The following NDUFAF7 variants were observed in gnomAD, a reference collection of about 807,000 sequenced individuals.
The protein encoded by NDUFAF7 is NADH:ubiquinone oxidoreductase complex assembly factor 7.
In NDUFAF7, 48 loss-of-function variants were observed where a neutral mutation model predicts 47.2. The ratio of observed to expected loss-of-function variants is 1.02; its 90% CI spans 0.81 to 1.29. NDUFAF7 has a LOEUF of 1.29. Ranked by LOEUF, NDUFAF7 falls within the 50% of genes most tolerant of loss-of-function variation. The probability of loss-of-function intolerance (pLI) is 0.00; values close to 1 mark genes in which losing one functional copy is unlikely to be tolerated. For missense variants in NDUFAF7, 635 were observed against 537.6 expected, an observed-to-expected ratio of 1.18 and a Z score of -1.79; for synonymous variants, 217 against 190.0, an observed-to-expected ratio of 1.14 and a Z score of -1.17.
At chr2:37,270,426 T>C in the NDUFAF7 span, among the ~76,000 whole-genome samples, 1 of 151,378 alleles carries the variant, frequency 6.6e-6, no homozygotes, top group Admixed American at 6.6e-5. Flanking sequence ...GAAAAGAATA[T>C]GTATGAGAGA....
the NDUFAF7 span, chr2:37,269,727 A>G: frequency 5.8e-6 from 8 of 1,385,950 alleles, no homozygotes; most frequent in African/African-American, 1.4e-5. Context: ...ATTTATTTCT[A>G]TAATACAATG....
At chr2:37,264,526 T>TGGGGGGGGGGGGGGGG in the NDUFAF7 span, among the ~76,000 whole-genome samples, 1 of 9,432 alleles carries the variant, frequency 1.1e-4, no homozygotes, top group African/African-American at 5.4e-4. Context: ...AGTGGAGGGG[T>TGGGGGGGGGGGGGGGG]GGGAGGGTGG....
At chr2:37,239,408 C>T (rs995829957) in intron 4 of NDUFAF7, among the ~76,000 whole-genome samples, 1 of 152,154 alleles carries the variant, frequency 6.6e-6, no homozygotes, top group African/African-American at 2.4e-5. Context: ...CATGAGCCCC[C>T]GTACCCAGCC....
Position 37,232,272 on chromosome 2 carries a change from G to C in NDUFAF7, c.216+6G>C, listed in dbSNP as rs1665238066. The C allele has an allele frequency of 6.2e-7, 1 of 1,612,592 alleles. No individual in the cohort carries two copies. Among genetic ancestry groups the C allele is most frequent in the East Asian group, 2.2e-5 (1 of 44,878 alleles). ...TGTTGACTAATCCAGCCAAGGTATGGGTCGGGTAGCCCGAGGACTAGGCCC... is the reference window on the plus strand; with the variant it reads ...TGTTGACTAATCCAGCCAAGGTATGCGTCGGGTAGCCCGAGGACTAGGCCC... On this transcript the variant is annotated splice_donor_region_variant and intron_variant, in intron 2 of 9. Coordinates refer to ENST00000002125, the MANE Select transcript of NDUFAF7 (RefSeq NM_144736.5).
Position 37,234,327 on chromosome 2 carries a change from T to C in NDUFAF7, c.217-1769T>C, listed in dbSNP as rs1665519078. Reference sequence around the variant, plus strand: ...GGCTGGTCTTGAACTCCTGGCCTCATATGATCCGCCTGTCTCAGCCTCCTA... The same window carrying C: ...GGCTGGTCTTGAACTCCTGGCCTCACATGATCCGCCTGTCTCAGCCTCCTA... On this transcript the variant is annotated intron_variant, in intron 2 of 9. Transcript: ENST00000002125. 2.0e-5 allele frequency among the ~76,000 whole-genome samples: 3 copies of C among 152,282 alleles called. No individual in the cohort carries two copies. The East Asian group carries it at 5.8e-4, about 29-fold the overall frequency.
At chr2:37,267,712 C>A in the NDUFAF7 span, 1 of 550,496 alleles carries the variant, frequency 1.8e-6, no homozygotes. Context: ...TTTTCCCCTC[C>A]ATACATAATA....
Position 37,248,899 on chromosome 2 carries a change from A to C in NDUFAF7, c.*549A>C, listed in dbSNP as rs1183060241. ...ACTGCACTCCAGCCTGGGCAACAAG[A>C]GCAAAAATCCCTCTCAAAAAAAAAA... On this transcript the variant is annotated 3_prime_UTR_variant, in exon 10 of 10. Transcript: ENST00000002125. 1 of 144,084 alleles carries C rather than the reference A, an allele frequency of 6.9e-6. No individual in the cohort carries two copies. The highest frequency in any genetic ancestry group is 2.0e-4 in the East Asian group (1 of 5,088). The allele number at this position is 144,084 out of a possible 1,614,324, so 8.9% of individuals were successfully genotyped here. A position where few individuals can be genotyped will look rare whatever the true frequency, so the allele number is the denominator to read the frequency against.
At chr2:37,261,285 G>C in the NDUFAF7 span, among the ~76,000 whole-genome samples, 1 of 151,858 alleles carries the variant, frequency 6.6e-6, no homozygotes, top group African/African-American at 2.4e-5. Context: ...TCAGGAGTTC[G>C]AGACCAGCGT....
chr2:37,242,085 G>A, intron 5 of NDUFAF7: 1 of 415,150 alleles, frequency 2.4e-6, no homozygotes, highest in South Asian at 2.8e-5. Flanking sequence ...TGACGGAGCA[G>A]CCCAAGGCAG....
chr2:37,232,011 A>G, intron 1 of NDUFAF7, 95 bp from the exon 2 acceptor site: 1 of 1,607,230 alleles, frequency 6.2e-7, no homozygotes, highest in Non-Finnish European at 8.5e-7. Flanking sequence ...GGCGAGGTTA[A>G]GGGTTCACGA....
intron 7 of NDUFAF7, among the ~76,000 whole-genome samples, chr2:37,244,316 G>C (rs1666687581): frequency 6.6e-6 from 1 of 152,216 alleles, no homozygotes; most frequent in Non-Finnish European, 1.5e-5. Context: ...ATGTAGTACA[G>C]ACTATAGTAA....
chr2:37,256,574 A>G (rs550156769), downstream of NDUFAF7: 3 of 1,386,936 alleles, frequency 2.2e-6, no homozygotes, highest in Admixed American at 2.9e-5. Flanking sequence ...AAGTTGCAAG[A>G]GACAGACTGA....
chr2:37,233,865 T>C lies in NDUFAF7; in HGVS notation c.216+1599T>C, dbSNP rs80004764. Among the ~76,000 whole-genome samples, 819 of 152,260 alleles carry C rather than the reference T, an allele frequency of 5.4e-3. 4 individuals carry two copies. The highest frequency in any genetic ancestry group is 7.4e-3 in the Non-Finnish European group (505 of 68,022). ...ATGAAGCTGGATGGAAAAAATATTA[T>C]ACCTTTATTTTCACTAACTTTCAAC... On this transcript the variant is annotated intron_variant, in intron 2 of 9. Transcript: ENST00000002125.
chr2:37,263,294 A>G, the NDUFAF7 span, among the ~76,000 whole-genome samples: 1 of 152,138 alleles, frequency 6.6e-6, no homozygotes, highest in Non-Finnish European at 1.5e-5. Flanking sequence ...TAAAGTTTTC[A>G]TGTAGGAGCT....
chr2:37,265,785 C>A, the NDUFAF7 span, among the ~76,000 whole-genome samples: 1 of 152,082 alleles, frequency 6.6e-6, no homozygotes. Context: ...CCAGTTTGGG[C>A]AATATTGATG....
In NDUFAF7 at chr2:37,243,955, A is replaced by G. The variant is rs1572560096; in HGVS notation, c.774A>G (p.Pro258=). 6.2e-7 allele frequency: 1 copy of G among 1,611,646 alleles called. No individual in the cohort carries two copies. The highest frequency in any genetic ancestry group is 2.2e-5 in the East Asian group (1 of 44,856). The change falls in exon 7 of 10, where the codon CCA becomes CCG. Residue 258 remains proline (P), a synonymous_variant. Coordinates refer to ENST00000002125, the MANE Select transcript of NDUFAF7 (RefSeq NM_144736.5). ...LRFVLAPSAT[P]AEAFIQHDET... The stretch of plus-strand genomic sequence containing the variant: ...TTGTTTTGGCACCTTCTGCCACCCC[A>G]GCAGAAGCCTTCATACAAGTAAGAA...
downstream of NDUFAF7, chr2:37,252,979 A>T: frequency 2.2e-6 from 1 of 446,460 alleles, no homozygotes; most frequent in Non-Finnish European, 3.7e-6. Context: ...CTTCACCTTG[A>T]TTCCATTATG....
At chr2:37,244,485 G>A (rs529613307) in intron 7 of NDUFAF7, among the ~76,000 whole-genome samples, 103 of 152,124 alleles carry the variant, frequency 6.8e-4, no homozygotes, top group African/African-American at 2.3e-3. Flanking sequence ...AGTTTGATTC[G>A]GCCAGAATGG....
the NDUFAF7 span, among the ~76,000 whole-genome samples, chr2:37,264,757 A>C: frequency 6.6e-6 from 1 of 151,952 alleles, no homozygotes; most frequent in African/African-American, 2.4e-5. Context: ...AAAAAAAAAG[A>C]CTCAATTTGT....
Sources: allele counts gnomAD v4.1 joint callset (sites outside exome capture counted in the v4.1 genomes callset), GRCh38; gene constraint gnomAD v4.1.1; transcripts MANE v1.5; gene names NCBI Gene and HGNC (gene_info 2026-07-23, HGNC 2026-07-21).